LGSN: variants seen among roughly 807,000 people sequenced by gnomAD.
LGSN encodes lengsin, lens protein with glutamine synthetase domain.
In LGSN, 21 loss-of-function variants were observed where a neutral mutation model predicts 19.5. That is an observed-to-expected ratio of 1.07 (90% CI 0.76 to 1.55). The LOEUF is 1.55. LGSN is among the 40% of genes most tolerant of loss of function. The pLI, the probability that LGSN is intolerant of heterozygous loss-of-function variation, is 0.00. For missense variants in LGSN, 673 were observed against 608.5 expected, an observed-to-expected ratio of 1.11 and a Z score of -1.12; for synonymous variants, 257 against 215.6, an observed-to-expected ratio of 1.19 and a Z score of -1.68.
the LGSN span, among the ~76,000 whole-genome samples, chr6:63,421,084 G>A: frequency 1.6e-4 from 24 of 152,082 alleles, no homozygotes; most frequent in Non-Finnish European, 3.2e-4. Flanking sequence ...AGAATAAAGG[G>A]AACAAAGGAA....
chr6:63,280,104 A>C lies in LGSN; in HGVS notation c.1447T>G (p.Tyr483Asp), dbSNP rs1767231039. 6.2e-7 allele frequency: 1 copy of C among 1,614,018 alleles called. No homozygotes were observed. The highest frequency in any genetic ancestry group is 2.2e-5 in the East Asian group (1 of 44,884). Residue 483 changes from tyrosine (Y) to aspartate (D), a missense_variant, in exon 4 of 4, where the codon TAT (tyrosine) becomes GAT (aspartate). Transcript: ENST00000370657. ...RQALGETFIR[Y>D]FVAMKKYELE... ...TCATATTTCTTCATGGCAACAAAAT[A>C]TCGAATAAAGGTTTCTCCTAGAGCC...
the LGSN span, among the ~76,000 whole-genome samples, chr6:63,501,544 G>A: frequency 5.3e-5 from 8 of 151,874 alleles, no homozygotes; most frequent in African/African-American, 9.7e-5. Flanking sequence ...ATGAACTTAC[G>A]GAGTCATTAG....
At chr6:63,282,205 A>C (rs1201255396) in intron 3 of LGSN, among the ~76,000 whole-genome samples, 2 of 152,230 alleles carry the variant, frequency 1.3e-5, no homozygotes, top group East Asian at 1.9e-4. Context: ...ATGTATTAGA[A>C]ATATCAACAA....
At chr6:63,363,771 A>G in the LGSN span, among the ~76,000 whole-genome samples, 4 of 152,178 alleles carry the variant, frequency 2.6e-5, no homozygotes, top group Non-Finnish European at 5.9e-5. Context: ...GTTGGAAAAC[A>G]CTCTTCAGGG....
the LGSN span, among the ~76,000 whole-genome samples, chr6:63,404,894 C>T: frequency 1.9e-4 from 29 of 152,000 alleles, no homozygotes; most frequent in African/African-American, 5.5e-4. Context: ...CATGCTGGTG[C>T]ACTGCACCCA....
the LGSN span, among the ~76,000 whole-genome samples, chr6:63,375,864 TG>T: frequency 6.6e-6 from 1 of 152,218 alleles, no homozygotes; most frequent in Non-Finnish European, 1.5e-5. Flanking sequence ...TAATTGCTAA[TG>T]TTTTTTGAGC....
At position 63,277,164 on chromosome 6, in the gene LGSN, A is replaced by T. The variant is rs1767126389; in HGVS notation, c.*2857T>A. ...AGTACTGTGTTTTTAAGTTATGCTAATAATGCGAAAGGGGAAAAAACGGCT... is the reference window on the plus strand; with the variant it reads ...AGTACTGTGTTTTTAAGTTATGCTATTAATGCGAAAGGGGAAAAAACGGCT... On this transcript the variant is annotated 3_prime_UTR_variant, in exon 4 of 4. Transcript: ENST00000370657. 1 of 152,226 alleles carries T rather than the reference A, an allele frequency of 6.6e-6. No individual in the cohort carries two copies. Among genetic ancestry groups the T allele is most frequent in the Admixed American group, 6.5e-5 (1 of 15,278 alleles). The allele number at this position is 152,226 out of a possible 1,614,324, so 9.4% of individuals were successfully genotyped here.
the LGSN span, among the ~76,000 whole-genome samples, chr6:63,345,090 G>T: frequency 6.6e-6 from 1 of 151,826 alleles, no homozygotes; most frequent in African/African-American, 2.4e-5. Context: ...CACTTTTGGA[G>T]CTGACACCAT....
the LGSN span, among the ~76,000 whole-genome samples, chr6:63,508,607 G>C: frequency 2.0e-5 from 3 of 152,056 alleles, no homozygotes; most frequent in East Asian, 5.8e-4. Flanking sequence ...AGTAGGGAGG[G>C]AGATGGTTAT....
the LGSN span, among the ~76,000 whole-genome samples, chr6:63,346,310 G>A: frequency 9.9e-5 from 15 of 151,490 alleles, no homozygotes; most frequent in East Asian, 2.0e-4. Context: ...CCCCACCATC[G>A]TCCTGAAAGA....
chr6:63,496,884 G>T, the LGSN span, among the ~76,000 whole-genome samples: 1 of 152,090 alleles, frequency 6.6e-6, no homozygotes, highest in East Asian at 1.9e-4. Flanking sequence ...ATGCAGTTTT[G>T]TTCTGCCCTT....
In LGSN at chr6:63,280,480, G is replaced by T. The variant is rs745545025; in HGVS notation, c.1071C>A (p.Cys357Ter). ...GGCAGCTAACAGAAGGCGCCATCAGGCAGCTGAGCGCAGCAGAGTGCTTCA... is the reference window on the plus strand; with the variant it reads ...GGCAGCTAACAGAAGGCGCCATCAGTCAGCTGAGCGCAGCAGAGTGCTTCA... ...GLLKHSAALSCLMAPSVSCRK... is the reference protein window; with the variant it reads ...GLLKHSAALS The change falls in exon 4 of 4, where the codon TGC becomes TGA. Residue 357 changes from cysteine to a stop codon, truncating the protein, a stop_gained. Coordinates refer to ENST00000370657, the MANE Select transcript of LGSN (RefSeq NM_016571.3). LOFTEE classifies it low-confidence loss of function (END_TRUNC). 2 of 1,613,994 alleles carry T rather than the reference G, an allele frequency of 1.2e-6. No homozygotes were observed. Among genetic ancestry groups the T allele is most frequent in the South Asian group, 1.1e-5 (1 of 91,096 alleles).
the LGSN span, among the ~76,000 whole-genome samples, chr6:63,401,603 T>C: frequency 2.6e-5 from 4 of 152,202 alleles, no homozygotes; most frequent in Admixed American, 6.5e-5. Flanking sequence ...TTTAAACCGA[T>C]GTATTCATGA....
the LGSN span, among the ~76,000 whole-genome samples, chr6:63,336,072 T>C: frequency 5.7e-3 from 871 of 152,124 alleles, 8 homozygotes; most frequent in African/African-American, 0.02. Flanking sequence ...ACTGGTAAGA[T>C]TGAGTGGGGG....
At chr6:63,366,089 G>A in the LGSN span, among the ~76,000 whole-genome samples, 2 of 152,128 alleles carry the variant, frequency 1.3e-5, no homozygotes, top group African/African-American at 4.8e-5. Flanking sequence ...TTCTGGACAG[G>A]GCACTCAGGC....
chr6:63,409,893 G>A, the LGSN span, among the ~76,000 whole-genome samples: 71 of 152,084 alleles, frequency 4.7e-4, no homozygotes, highest in African/African-American at 7.7e-4. Context: ...AAAATTAGCC[G>A]GGCATGGTGG....
At chr6:63,316,740 G>T (rs1300116040) in intron 1 of LGSN, among the ~76,000 whole-genome samples, 1 of 151,528 alleles carries the variant, frequency 6.6e-6, no homozygotes, top group African/African-American at 2.4e-5. Context: ...AAAAAGACAT[G>T]TAGAAAAAAT....
At chr6:63,296,490 TTTTA>T (rs902479541) in intron 1 of LGSN, among the ~76,000 whole-genome samples, 8 of 151,200 alleles carry the variant, frequency 5.3e-5, no homozygotes, top group African/African-American at 1.7e-4. Context: ...ATATATTTAT[TTTTA>T]TTTATTTATT....
chr6:63,474,659 C>T, the LGSN span, among the ~76,000 whole-genome samples: 4 of 149,246 alleles, frequency 2.7e-5, no homozygotes, highest in Admixed American at 6.7e-5. Flanking sequence ...CTGTGGCTCA[C>T]GCCTGTAATC....
Sources: allele counts gnomAD v4.1 joint callset (sites outside exome capture counted in the v4.1 genomes callset), GRCh38; gene constraint gnomAD v4.1.1; transcripts MANE v1.5; gene names NCBI Gene and HGNC (gene_info 2026-07-23, HGNC 2026-07-21).